Variants in LMNTD1 observed in about 807,000 individuals in gnomAD.
LMNTD1 encodes the protein lamin tail domain containing 1, also known as lamin tail domain-containing protein 1.
LMNTD1 carries 35 observed loss-of-function variants against 50.9 expected under a neutral mutation model. That is an observed-to-expected ratio of 0.69 (90% CI 0.53 to 0.91). The LOEUF (loss-of-function observed/expected upper bound fraction) is 0.91. LMNTD1 is among the 40% of genes least tolerant of loss of function. The pLI is 0.00. For synonymous variants in LMNTD1, 153 were observed against 161.9 expected (o/e 0.94, Z 0.42); for missense variants, 470 against 475.5 (o/e 0.99, Z 0.11).
At chr12:25,537,617 T>TG in intron 4 of LMNTD1, among the ~76,000 whole-genome samples, 1 of 151,192 alleles carries the variant, frequency 6.6e-6, no homozygotes, top group Non-Finnish European at 1.5e-5. Flanking sequence ...ACCACAAAGA[T>TG]GGGGAAAAAA....
At chr12:25,519,329 C>T (rs1374582633) in intron 7 of LMNTD1, among the ~76,000 whole-genome samples, 1 of 150,544 alleles carries the variant, frequency 6.6e-6, no homozygotes, top group Non-Finnish European at 1.5e-5. Context: ...CGGTGGCTCA[C>T]GCCTGTAATC....
chr12:25,525,043 G>T (rs1221855289), intron 6 of LMNTD1, among the ~76,000 whole-genome samples: 1 of 152,140 alleles, frequency 6.6e-6, no homozygotes, highest in African/African-American at 2.4e-5. Flanking sequence ...AACATATTTT[G>T]TTAGTAGTTA....
intron 1 of LMNTD1, among the ~76,000 whole-genome samples, chr12:25,608,691 C>T (rs946179392): frequency 2.6e-5 from 4 of 152,192 alleles, no homozygotes; most frequent in Non-Finnish European, 5.9e-5. Flanking sequence ...AGGGGTTCTG[C>T]TGAGAGATCT....
Position 25,500,368 on chromosome 12 carries a change from A to AG in LMNTD1, c.*22+3369dup, listed in dbSNP as rs1264830644. ...TATAAAAACTTCTTGTCAGGTCCCA[A>AG]GGAACACTCCTTGGAGGGCTAGAAG... On this transcript the variant is annotated intron_variant, in intron 9 of 9. Coordinates refer to ENST00000458174, the MANE Select transcript of LMNTD1 (RefSeq NM_001145728.2). 1.3e-5 allele frequency among the ~76,000 whole-genome samples: 2 copies of AG among 152,168 alleles called. 1 individual carries two copies. Among genetic ancestry groups the AG allele is most frequent in the Non-Finnish European group, 2.9e-5 (2 of 68,002 alleles).
intron 1 of LMNTD1, among the ~76,000 whole-genome samples, chr12:25,572,800 A>ATCCC (rs895492770): frequency 1.3e-4 from 19 of 150,114 alleles, no homozygotes; most frequent in South Asian, 2.1e-4. Context: ...CCATCCCTCC[A>ATCCC]TCCCTCCCTC....
intron 9 of LMNTD1, among the ~76,000 whole-genome samples, chr12:25,491,082 T>C (rs932716200): frequency 3.9e-5 from 6 of 152,252 alleles, no homozygotes; most frequent in Non-Finnish European, 8.8e-5. Context: ...TGGGGCCCAG[T>C]GCCGCCTGAG....
chr12:25,536,999 C>T (rs1455618741), intron 4 of LMNTD1, among the ~76,000 whole-genome samples: 3 of 152,192 alleles, frequency 2.0e-5, no homozygotes, highest in South Asian at 2.1e-4. Flanking sequence ...CACTCCCACC[C>T]GAATACTGCG....
intron 4 of LMNTD1, among the ~76,000 whole-genome samples, chr12:25,536,725 C>T (rs1262228512): frequency 1.3e-5 from 2 of 152,178 alleles, no homozygotes; most frequent in African/African-American, 2.4e-5. Context: ...GGGGAGGAGC[C>T]AAGATGGCCA....
chr12:25,617,731 A>T (rs1030905306), intron 1 of LMNTD1, among the ~76,000 whole-genome samples: 1 of 152,248 alleles, frequency 6.6e-6, no homozygotes, highest in Non-Finnish European at 1.5e-5. Flanking sequence ...GGGAAGACAG[A>T]CAAGAAACTC....
At chr12:25,580,588 T>C (rs1276868236) in intron 1 of LMNTD1, among the ~76,000 whole-genome samples, 1 of 152,138 alleles carries the variant, frequency 6.6e-6, no homozygotes, top group Non-Finnish European at 1.5e-5. Context: ...ATATAGACAG[T>C]CTTTATAGTA....
chr12:25,479,621 T>C (rs1212044430), intron 9 of LMNTD1, among the ~76,000 whole-genome samples: 1 of 152,148 alleles, frequency 6.6e-6, no homozygotes, highest in African/African-American at 2.4e-5. Context: ...AGTGAGTGCC[T>C]TGGTCAGAGG....
chr12:25,598,621 A>C (rs539727419), intron 1 of LMNTD1, among the ~76,000 whole-genome samples: 36 of 151,964 alleles, frequency 2.4e-4, no homozygotes, highest in Non-Finnish European at 4.4e-4. Context: ...GACTAAGAAA[A>C]AAAGAGAAGA....
intron 1 of LMNTD1, among the ~76,000 whole-genome samples, chr12:25,589,753 A>T (rs1211192988): frequency 6.6e-6 from 1 of 152,244 alleles, no homozygotes; most frequent in Non-Finnish European, 1.5e-5. Context: ...CAGAATAACT[A>T]TAAAAATGCT....
At chr12:25,505,573 G>A (rs559451677) in intron 8 of LMNTD1, among the ~76,000 whole-genome samples, 1 of 152,174 alleles carries the variant, frequency 6.6e-6, no homozygotes, top group East Asian at 1.9e-4. Context: ...CTGAAAGTAA[G>A]CAAGGGAAGA....
At chr12:25,585,072 A>G (rs1408115934) in intron 1 of LMNTD1, among the ~76,000 whole-genome samples, 1 of 152,240 alleles carries the variant, frequency 6.6e-6, no homozygotes, top group African/African-American at 2.4e-5. Flanking sequence ...GCCAGTTGGC[A>G]GAAAGCACAG....
At chr12:25,595,045 T>C (rs1418442092) in intron 1 of LMNTD1, among the ~76,000 whole-genome samples, 2 of 152,094 alleles carry the variant, frequency 1.3e-5, no homozygotes, top group Non-Finnish European at 2.9e-5. Context: ...ATCCTAAATA[T>C]ATATATGCAT....
intron 1 of LMNTD1, among the ~76,000 whole-genome samples, chr12:25,590,741 A>G (rs957158749): frequency 1.3e-5 from 2 of 152,204 alleles, no homozygotes; most frequent in Non-Finnish European, 2.9e-5. Context: ...TAGGCAGCTC[A>G]GCCCACAACA....
intron 9 of LMNTD1, among the ~76,000 whole-genome samples, chr12:25,484,488 T>A (rs1238199216): frequency 6.6e-6 from 1 of 152,004 alleles, no homozygotes; most frequent in Non-Finnish European, 1.5e-5. Context: ...ATTGACCCAA[T>A]AGCCATTTCT....
intron 1 of LMNTD1, among the ~76,000 whole-genome samples, chr12:25,571,346 T>TATTC (rs1944784959): frequency 2.5e-5 from 1 of 39,738 alleles, no homozygotes. Flanking sequence ...TATTTTTATT[T>TATTC]ATTTATTTAT....
Sources: gnomAD v4.1 joint callset for allele counts (sites outside exome capture counted in the v4.1 genomes callset) on GRCh38, gnomAD v4.1.1 for gene constraint, MANE v1.5 for transcripts, NCBI Gene and HGNC (gene_info 2026-07-23, HGNC 2026-07-21) for gene names.